The following PLA2G5 variants were observed in gnomAD, a reference collection of about 807,000 sequenced individuals.
PLA2G5 encodes the protein phospholipase A2 group V, also known as Ca2+-dependent phospholipase A2.
PLA2G5 carries 12 observed loss-of-function variants against 15.9 expected under a neutral mutation model. The ratio of observed to expected loss-of-function variants is 0.76; its 90% CI spans 0.48 to 1.23. The LOEUF is 1.23. Among genes scored for constraint, PLA2G5 ranks in the 50% most tolerant of loss-of-function variants. The probability of loss-of-function intolerance (pLI) is 0.00; values close to 1 mark genes in which losing one functional copy is unlikely to be tolerated. For missense variants in PLA2G5, 169 were observed against 177.1 expected (o/e 0.95, Z 0.26); for synonymous variants, 71 against 71.4 (o/e 0.99, Z 0.03).
chr1:20,065,918 G>A (rs1169803521), upstream of PLA2G5: 1 of 152,262 alleles, frequency 6.6e-6, no homozygotes, highest in Non-Finnish European at 1.5e-5. Context: ...TGAGGCAGGA[G>A]GGATTTCTTG....
chr1:20,085,091 T>A (rs1373759203), intron 2 of PLA2G5, among the ~76,000 whole-genome samples: 4 of 152,176 alleles, frequency 2.6e-5, no homozygotes, highest in Admixed American at 6.5e-5. Flanking sequence ...GGCAGGGTCC[T>A]AGGAGATATT....
chr1:20,036,173 A>T (rs2013239960), intron 1 of PLA2G5, among the ~76,000 whole-genome samples: 1 of 152,020 alleles, frequency 6.6e-6, no homozygotes, highest in Non-Finnish European at 1.5e-5. Context: ...TCTTAAGATT[A>T]TTTCCTTTGT....
chr1:20,062,757 G>C (rs565144902), intron 2 of PLA2G5, among the ~76,000 whole-genome samples: 78 of 152,326 alleles, frequency 5.1e-4, no homozygotes, highest in African/African-American at 1.9e-3. Flanking sequence ...CTGTCAATGT[G>C]TGTTGGGTGA....
At chr1:20,066,104 G>C (rs533294844), upstream of PLA2G5, 1 of 152,134 alleles carries the variant, frequency 6.6e-6, no homozygotes, top group African/African-American at 2.4e-5. Flanking sequence ...TGGTGTTAAC[G>C]TTTTGGATTT....
intron 1 of PLA2G5, among the ~76,000 whole-genome samples, chr1:20,075,730 C>A (rs993485225): frequency 1.3e-5 from 2 of 152,120 alleles, no homozygotes; most frequent in African/African-American, 4.8e-5. Flanking sequence ...TAGGGCAGAG[C>A]AAAACACATA....
chr1:20,074,913 A>G (rs1180647359), intron 1 of PLA2G5, among the ~76,000 whole-genome samples: 1 of 152,140 alleles, frequency 6.6e-6, no homozygotes, highest in Non-Finnish European at 1.5e-5. Context: ...AGTCAGCCCC[A>G]ATTCCCTCCC....
intron 1 of PLA2G5, among the ~76,000 whole-genome samples, chr1:20,082,056 C>T (rs1033108901): frequency 1.3e-5 from 2 of 151,554 alleles, no homozygotes; most frequent in South Asian, 2.1e-4. Context: ...AAAAAGAATT[C>T]GACTGAGGGA....
At chr1:20,047,715 T>A (rs1444139353) in intron 1 of PLA2G5, among the ~76,000 whole-genome samples, 1 of 104,000 alleles carries the variant, frequency 9.6e-6, no homozygotes, top group East Asian at 2.4e-4. Flanking sequence ...AGCTATAGGA[T>A]CTTTGTGTGT....
At chr1:20,084,979 G>A (rs1343698444) in intron 2 of PLA2G5, 109 bp downstream of exon 2, 4 of 810,156 alleles carry the variant, frequency 4.9e-6, no homozygotes, top group South Asian at 1.4e-5. Context: ...TTTGAATCTC[G>A]GCTCTGCACT....
chr1:20,057,837 T>G (rs2014512263), intron 1 of PLA2G5, among the ~76,000 whole-genome samples: 1 of 150,932 alleles, frequency 6.6e-6, no homozygotes, highest in African/African-American at 2.4e-5. Flanking sequence ...TCATTTTAAT[T>G]TAGTTCAAAA....
chr1:20,068,879 A>G, upstream of PLA2G5: 1 of 1,229,384 alleles, frequency 8.1e-7, no homozygotes, highest in Non-Finnish European at 1.1e-6. Flanking sequence ...GAAGCCGCTG[A>G]TACAGAAGCC....
At chr1:20,069,363 T>C (rs968268848), upstream of PLA2G5, among the ~76,000 whole-genome samples, 25 of 152,144 alleles carry the variant, frequency 1.6e-4, no homozygotes, top group African/African-American at 6.0e-4. Context: ...AGAGCATCAA[T>C]GTCATTTTAA....
chr1:20,077,526 C>T (rs531419429), intron 1 of PLA2G5, among the ~76,000 whole-genome samples: 121 of 152,200 alleles, frequency 8.0e-4, no homozygotes, highest in African/African-American at 2.3e-3. Context: ...GCGAAGCAGA[C>T]GCAGAGCCTA....
At chr1:20,057,120 G>T (rs2014472195) in intron 1 of PLA2G5, among the ~76,000 whole-genome samples, 1 of 151,806 alleles carries the variant, frequency 6.6e-6, no homozygotes, top group African/African-American at 2.4e-5. Flanking sequence ...TAGTTGCCTG[G>T]CTAGAGATTT....
intron 2 of PLA2G5, among the ~76,000 whole-genome samples, chr1:20,064,701 C>T (rs2014928770): frequency 6.6e-6 from 1 of 152,158 alleles, no homozygotes; most frequent in Non-Finnish European, 1.5e-5. Context: ...CGAGGCCAGC[C>T]TGGCCAACAT....
At chr1:20,089,970 A>G in intron 4 of PLA2G5, 75 bp downstream of exon 4, 1 of 1,020,786 alleles carries the variant, frequency 9.8e-7, no homozygotes, top group Non-Finnish European at 1.5e-6. Context: ...GAGAACAGCC[A>G]GCCTGTATCT....
intron 1 of PLA2G5, among the ~76,000 whole-genome samples, chr1:20,050,502 A>G (rs1023613254): frequency 8.5e-5 from 13 of 152,206 alleles, no homozygotes; most frequent in African/African-American, 3.1e-4. Flanking sequence ...AGCATATGGG[A>G]CCCTGTGTCA....
intron 2 of PLA2G5, among the ~76,000 whole-genome samples, chr1:20,063,220 G>A (rs545039684): frequency 3.0e-4 from 46 of 152,046 alleles, no homozygotes; most frequent in Non-Finnish European, 5.9e-4. Flanking sequence ...AGATGAAAAT[G>A]AAAAAAACCA....
At chr1:20,081,400 C>A (rs1000781218) in intron 1 of PLA2G5, among the ~76,000 whole-genome samples, 17 of 139,172 alleles carry the variant, frequency 1.2e-4, no homozygotes, top group Middle Eastern at 4.0e-3. Context: ...GAAATGATTG[C>A]CATTGAAAAG....
Sources: gnomAD v4.1 joint callset for allele counts (sites outside exome capture counted in the v4.1 genomes callset) on GRCh38, gnomAD v4.1.1 for gene constraint, MANE v1.5 for transcripts, NCBI Gene and HGNC (gene_info 2026-07-23, HGNC 2026-07-21) for gene names.